Variants in CSMD1 observed in about 807,000 individuals in gnomAD.
The protein encoded by CSMD1 is CUB and Sushi multiple domains 1, also known as CUB and sushi domain-containing protein 1.
In CSMD1, 213 loss-of-function variants were observed where a neutral mutation model predicts 417.5. That is an observed-to-expected ratio of 0.51 (90% confidence interval 0.46 to 0.57). CSMD1 has a LOEUF of 0.57. Ranked by LOEUF, CSMD1 falls within the 20% of genes least tolerant of loss-of-function variation. The pLI is 0.00. For synonymous variants in CSMD1, 2,862 were observed against 1,736.8 expected (o/e 1.65, Z -16.11); for missense variants, 6,923 against 4,529.7 (o/e 1.53, Z -15.17).
At chr8:3,195,134 T>C (rs1379093769) in intron 33 of CSMD1, among the ~76,000 whole-genome samples, 1 of 152,186 alleles carries the variant, frequency 6.6e-6, no homozygotes, top group Non-Finnish European at 1.5e-5. Context: ...ATAGGCCTTT[T>C]ATGAAAACAG....
chr8:3,925,106 G>C (rs898100246), intron 5 of CSMD1, among the ~76,000 whole-genome samples: 1 of 152,132 alleles, frequency 6.6e-6, no homozygotes, highest in South Asian at 2.1e-4. Context: ...TTTCTTACCA[G>C]TCAGTAAAGA....
intron 5 of CSMD1, among the ~76,000 whole-genome samples, chr8:3,975,210 T>C (rs983909208): frequency 3.3e-5 from 5 of 152,220 alleles, no homozygotes; most frequent in East Asian, 3.9e-4. Context: ...TATTGTTACA[T>C]AATTGATTAC....
At chr8:4,217,464 G>T (rs1300253452) in intron 3 of CSMD1, among the ~76,000 whole-genome samples, 4 of 152,126 alleles carry the variant, frequency 2.6e-5, no homozygotes, top group Non-Finnish European at 4.4e-5. Flanking sequence ...TATACACAGT[G>T]AATTAAACAC....
At chr8:3,444,919 T>C (rs980327409) in intron 12 of CSMD1, among the ~76,000 whole-genome samples, 5 of 152,148 alleles carry the variant, frequency 3.3e-5, no homozygotes, top group African/African-American at 7.2e-5. Context: ...TGCACGTCAG[T>C]CACCCCGTCT....
chr8:4,958,523 A>G (rs1208748716), intron 1 of CSMD1, among the ~76,000 whole-genome samples: 2 of 152,192 alleles, frequency 1.3e-5, no homozygotes, highest in African/African-American at 4.8e-5. Flanking sequence ...TCAGCCAGAA[A>G]TATTCCCACA....
chr8:3,442,652 T>C (rs1815059861), intron 12 of CSMD1, among the ~76,000 whole-genome samples: 1 of 152,184 alleles, frequency 6.6e-6, no homozygotes, highest in Admixed American at 6.5e-5. Context: ...GATGTTTGCA[T>C]ACTGTTGAAA....
intron 3 of CSMD1, among the ~76,000 whole-genome samples, chr8:4,053,374 C>T (rs1335604734): frequency 6.6e-6 from 1 of 151,782 alleles, no homozygotes; most frequent in African/African-American, 2.4e-5. Context: ...TCTCTACAGA[C>T]AGTGTGTGCG....
At chr8:4,255,147 G>T (rs1028832235) in intron 3 of CSMD1, among the ~76,000 whole-genome samples, 1 of 152,176 alleles carries the variant, frequency 6.6e-6, no homozygotes, top group Non-Finnish European at 1.5e-5. Context: ...CATTAAAAGA[G>T]ATGATACATA....
At chr8:3,348,636 C>T (rs1190488087) in intron 21 of CSMD1, among the ~76,000 whole-genome samples, 1 of 152,206 alleles carries the variant, frequency 6.6e-6, no homozygotes, top group Non-Finnish European at 1.5e-5. Context: ...AATCTAACGA[C>T]AGACCAAACC....
intron 3 of CSMD1, among the ~76,000 whole-genome samples, chr8:4,053,603 C>G (rs73500916): frequency 1.3e-5 from 2 of 152,142 alleles, no homozygotes; most frequent in African/African-American, 2.4e-5. Flanking sequence ...AACCTCTGAT[C>G]TCCTTTCTAT....
At chr8:4,956,532 T>G (rs2117310372) in intron 1 of CSMD1, among the ~76,000 whole-genome samples, 1 of 149,130 alleles carries the variant, frequency 6.7e-6, no homozygotes, top group Non-Finnish European at 1.5e-5. Flanking sequence ...TTAAATATAT[T>G]ATAAAATATA....
intron 3 of CSMD1, among the ~76,000 whole-genome samples, chr8:4,244,826 T>C (rs963868822): frequency 6.6e-5 from 10 of 152,210 alleles, no homozygotes; most frequent in African/African-American, 2.4e-4. Context: ...TGTATGTATA[T>C]GTTCTGACCT....
intron 49 of CSMD1, among the ~76,000 whole-genome samples, chr8:3,061,136 G>A (rs148991314): frequency 2.0e-5 from 3 of 152,160 alleles, no homozygotes; most frequent in East Asian, 3.9e-4. Context: ...GTATTTGTCT[G>A]TTTGTTTATG....
At chr8:4,398,041 A>C (rs1448597090) in intron 3 of CSMD1, among the ~76,000 whole-genome samples, 1 of 152,212 alleles carries the variant, frequency 6.6e-6, no homozygotes, top group African/African-American at 2.4e-5. Context: ...CTAACTTGGT[A>C]TCTCTCTAGA....
intron 3 of CSMD1, among the ~76,000 whole-genome samples, chr8:4,158,001 G>A (rs967924549): frequency 2.0e-5 from 3 of 151,984 alleles, no homozygotes; most frequent in African/African-American, 4.8e-5. Context: ...ACCCTTTCCT[G>A]CTCAACTGCC....
intron 1 of CSMD1, among the ~76,000 whole-genome samples, chr8:4,827,417 G>A (rs1468067842): frequency 6.6e-6 from 1 of 152,130 alleles, no homozygotes; most frequent in Non-Finnish European, 1.5e-5. Context: ...TGGATGAAGA[G>A]AAAAGCTCGA....
chr8:3,147,253 G>T (rs1375594098), intron 40 of CSMD1, among the ~76,000 whole-genome samples: 1 of 152,038 alleles, frequency 6.6e-6, no homozygotes, highest in African/African-American at 2.4e-5. Flanking sequence ...GTTTTGATTT[G>T]TCATGCTGTT....
At chr8:3,192,427 A>G (rs1287532520) in intron 33 of CSMD1, among the ~76,000 whole-genome samples, 2 of 152,228 alleles carry the variant, frequency 1.3e-5, no homozygotes, top group Non-Finnish European at 2.9e-5. Context: ...TTATACACAT[A>G]GTCTGATACA....
Position 4,829,021 on chromosome 8 carries a change from T to C in CSMD1, c.85+165311A>G, listed in dbSNP as rs1014656505. Among the ~76,000 whole-genome samples, 6 of 152,204 alleles carry C rather than the reference T, an allele frequency of 3.9e-5. No individual in the cohort carries two copies. In the East Asian group the frequency reaches 9.6e-4, roughly 24 times the overall value. On this transcript the variant is annotated intron_variant, in intron 1 of 69. Coordinates refer to ENST00000635120, the MANE Select transcript of CSMD1 (RefSeq NM_033225.6). ...CTGCACTAATTATTATTATTAGAGA[T>C]ACATTATGATATTGAAAAGTAATGA...
Sources: allele counts gnomAD v4.1 joint callset (sites outside exome capture counted in the v4.1 genomes callset), GRCh38; gene constraint gnomAD v4.1.1; transcripts MANE v1.5; gene names NCBI Gene and HGNC (gene_info 2026-07-23, HGNC 2026-07-21).